Variants in USH2A observed in about 807,000 individuals in gnomAD.
The protein encoded by USH2A is usherin, also known as Usher syndrome 2A (autosomal recessive, mild).
Under a neutral mutation model 538.9 loss-of-function variants are expected in USH2A, and 443 were observed. The observed-to-expected ratio is 0.82, with a 90% CI of 0.76 to 0.89. The LOEUF is 0.89. Ranked by LOEUF, USH2A falls within the 40% of genes least tolerant of loss-of-function variation. The probability of loss-of-function intolerance (pLI) is 0.00; values close to 1 mark genes in which losing one functional copy is unlikely to be tolerated. For synonymous variants in USH2A, 2,413 were observed against 2,273.5 expected (o/e 1.06, Z -1.75); for missense variants, 6,633 against 6,324.8 (o/e 1.05, Z -1.65).
At chr1:216,341,098 A>G (rs944618400) in intron 4 of USH2A, among the ~76,000 whole-genome samples, 2 of 152,134 alleles carry the variant, frequency 1.3e-5, no homozygotes, top group Admixed American at 6.6e-5. Flanking sequence ...AGAAAACGCC[A>G]TTGTTTCAGC....
intron 21 of USH2A, among the ~76,000 whole-genome samples, chr1:216,098,438 T>A (rs1275755074): frequency 1.3e-5 from 2 of 152,146 alleles, no homozygotes; most frequent in Non-Finnish European, 2.9e-5. Flanking sequence ...TCAGGCAGGA[T>A]AATAAAAATT....
rs750209785 is a variant in USH2A, at chr1:215,758,577, C to T, written c.11389+18G>A. 2 of 1,602,010 alleles carry T rather than the reference C, an allele frequency of 1.2e-6. No individual in the cohort carries two copies. Among genetic ancestry groups the T allele is most frequent in the African/African-American group, 2.7e-5 (2 of 74,524 alleles). On this transcript the variant is annotated intron_variant, in intron 58 of 71. Coordinates refer to ENST00000307340, the MANE Select transcript of USH2A (RefSeq NM_206933.4). ...AAATGTTTACACACACACACACATA[C>T]TTCTTTTTTTTTTTTACCTGGTGGT...
rs533681627 is a variant in USH2A at position 215,968,337 on chromosome 1, T to G, written c.6957+2288A>C. 2.2e-4 allele frequency among the ~76,000 whole-genome samples: 34 copies of G among 152,216 alleles called. 2 individuals carry two copies. In the South Asian group the frequency reaches 7.0e-3, roughly 32 times the overall value. On this transcript the variant is annotated intron_variant, in intron 36 of 71. Transcript: ENST00000307340. Reference sequence around the variant, plus strand: ...CAGGAGAATCATTGTGGGTTTTTTTTGTTGCTGTTGTTGCTGCTGTTTATT... The same window carrying G: ...CAGGAGAATCATTGTGGGTTTTTTTGGTTGCTGTTGTTGCTGCTGTTTATT...
At chr1:215,765,698 T>C (rs2102747350) in intron 56 of USH2A, among the ~76,000 whole-genome samples, 1 of 152,310 alleles carries the variant, frequency 6.6e-6, no homozygotes, top group Non-Finnish European at 1.5e-5. Context: ...GTATACTTCC[T>C]GGATTTTTAA....
chr1:216,353,363 C>A (rs569065502), intron 4 of USH2A, among the ~76,000 whole-genome samples: 2 of 151,658 alleles, frequency 1.3e-5, no homozygotes, highest in Admixed American at 6.6e-5. Flanking sequence ...CGAGATTAAA[C>A]GATGCCACAT....
At chr1:215,961,750 A>T (rs377715784) in intron 37 of USH2A, among the ~76,000 whole-genome samples, 1 of 151,844 alleles carries the variant, frequency 6.6e-6, no homozygotes, top group African/African-American at 2.4e-5. Flanking sequence ...AACCCAAGCC[A>T]GTGGGGAACA....
intron 30 of USH2A, among the ~76,000 whole-genome samples, chr1:216,054,150 C>T (rs1287535836): frequency 6.6e-6 from 1 of 152,200 alleles, no homozygotes; most frequent in Non-Finnish European, 1.5e-5. Context: ...TAGCACTTGA[C>T]GGGTGACTGA....
intron 32 of USH2A, among the ~76,000 whole-genome samples, chr1:216,022,475 G>C (rs1207289505): frequency 6.6e-6 from 1 of 152,116 alleles, no homozygotes; most frequent in Non-Finnish European, 1.5e-5. Context: ...ATGGTGCCCT[G>C]GTTCTCAGAA....
chr1:215,792,256 A>C (rs760948186), intron 50 of USH2A, among the ~76,000 whole-genome samples: 2 of 152,190 alleles, frequency 1.3e-5, no homozygotes, highest in Admixed American at 6.5e-5. Context: ...TTTGATAATG[A>C]ACTGTTTTTA....
At chr1:216,364,130 T>C (rs1208118945) in intron 4 of USH2A, among the ~76,000 whole-genome samples, 1 of 151,666 alleles carries the variant, frequency 6.6e-6, no homozygotes, top group African/African-American at 2.4e-5. Context: ...AATTTCTTAT[T>C]TCAACTTCTG....
rs541275063 is a variant in USH2A, at chr1:216,078,331, C to T, written c.5330G>A (p.Arg1777Gln). ...TGTAAAGGCAAGACTGGTATTTAACCGGAAGGTCAATATTCCACTTTTCAG... is the reference window on the plus strand; with the variant it reads ...TGTAAAGGCAAGACTGGTATTTAACTGGAAGGTCAATATTCCACTTTTCAG... Reference protein sequence around the residue: ...MELKSGILTFRLNTSLAFTQV... With the variant: ...MELKSGILTFQLNTSLAFTQV... Residue 1777 changes from arginine (R) to glutamine (Q), a missense_variant, in exon 27 of 72, where the codon CGG becomes CAG. By Grantham distance (43) the Arg-to-Gln change is conservative (BLOSUM62 1). Transcript: ENST00000307340. 5.3e-5 allele frequency: 86 copies of T among 1,613,534 alleles called. No individual in the cohort carries two copies. Among genetic ancestry groups the T allele is most frequent in the African/African-American group, 2.5e-4 (19 of 74,958 alleles).
At chr1:215,693,110 G>GTATA (rs1491244384) in intron 61 of USH2A, among the ~76,000 whole-genome samples, 2 of 93,610 alleles carry the variant, frequency 2.1e-5, no homozygotes, top group Admixed American at 1.2e-4. Context: ...GTGTGTGTGT[G>GTATA]TATGTGTATA....
In USH2A at chr1:216,019,105, T is replaced by C. The variant is rs573677392; in HGVS notation, c.6326-18543A>G. Among the ~76,000 whole-genome samples the C allele has an allele frequency of 1.1e-3, 167 of 152,346 alleles. 1 individual carries two copies. Among genetic ancestry groups the C allele is most frequent in the African/African-American group, 3.8e-3 (156 of 41,588 alleles). ...ATCTTTATGCAGTCAAGTATGACAA[T>C]ATTTTCCTAGAATTTTATCTGGCTA... On this transcript the variant is annotated intron_variant, in intron 32 of 71. Coordinates refer to ENST00000307340, the MANE Select transcript of USH2A (RefSeq NM_206933.4).
intron 49 of USH2A, among the ~76,000 whole-genome samples, chr1:215,799,738 C>T (rs1011020190): frequency 1.3e-5 from 2 of 152,068 alleles, no homozygotes; most frequent in African/African-American, 4.8e-5. Context: ...GTAATCCCAA[C>T]ACTTTGGGAG....
intron 3 of USH2A, among the ~76,000 whole-genome samples, chr1:216,385,869 C>T (rs982135562): frequency 1.2e-4 from 18 of 152,202 alleles, no homozygotes; most frequent in African/African-American, 4.3e-4. Flanking sequence ...ACATCCTAGT[C>T]CCAAACCTGG....
intron 9 of USH2A, among the ~76,000 whole-genome samples, chr1:216,297,864 C>T (rs149023518): frequency 1.1e-3 from 174 of 152,198 alleles, no homozygotes; most frequent in Non-Finnish European, 1.4e-3. Flanking sequence ...TCTAGTAGCC[C>T]TATGTGTGGG....
chr1:215,852,943 C>T (rs974865733), intron 44 of USH2A, among the ~76,000 whole-genome samples: 2 of 152,170 alleles, frequency 1.3e-5, no homozygotes, highest in Non-Finnish European at 2.9e-5. Flanking sequence ...TTTCCAGGTG[C>T]ACAGTGCAAG....
At chr1:216,110,286 A>T (rs142342268) in intron 21 of USH2A, among the ~76,000 whole-genome samples, 479 of 152,328 alleles carry the variant, frequency 3.1e-3, no homozygotes, top group African/African-American at 0.011. Context: ...TGAACCAAGG[A>T]GTTTGAGTAC....
chr1:216,113,806 C>T (rs1442232544), intron 21 of USH2A, among the ~76,000 whole-genome samples: 1 of 151,660 alleles, frequency 6.6e-6, no homozygotes, highest in Non-Finnish European at 1.5e-5. Flanking sequence ...TATAATTGGG[C>T]TTCCTAGCCC....
Sources: allele counts gnomAD v4.1 joint callset (sites outside exome capture counted in the v4.1 genomes callset), GRCh38; gene constraint gnomAD v4.1.1; transcripts MANE v1.5; gene names NCBI Gene and HGNC (gene_info 2026-07-23, HGNC 2026-07-21).